LRP1B: variants seen among roughly 807,000 people sequenced by gnomAD.
LRP1B encodes low-density lipoprotein receptor-related protein 1B.
LRP1B carries 217 observed loss-of-function variants against 556.6 expected under a neutral mutation model. The observed-to-expected ratio is 0.39, with a 90% CI of 0.35 to 0.44. LRP1B has a LOEUF of 0.44. LRP1B is among the 20% of genes least tolerant of loss of function. The pLI is 1.00. For missense variants in LRP1B, 5,053 were observed against 5,620.8 expected, an observed-to-expected ratio of 0.90 and a Z score of 3.23; for synonymous variants, 2,047 against 1,865.8, an observed-to-expected ratio of 1.10 and a Z score of -2.50.
At chr2:142,090,093 T>C (rs1173593966) in intron 1 of LRP1B, among the ~76,000 whole-genome samples, 3 of 152,164 alleles carry the variant, frequency 2.0e-5, no homozygotes, top group Non-Finnish European at 4.4e-5. Flanking sequence ...TTTCATATTA[T>C]ATTAAAAACA....
At chr2:140,251,836 A>C (rs1681431344) in intron 86 of LRP1B, among the ~76,000 whole-genome samples, 1 of 151,648 alleles carries the variant, frequency 6.6e-6, no homozygotes, top group Non-Finnish European at 1.5e-5. Context: ...ATGCAAAAGG[A>C]TTTTGCATAA....
At position 141,071,042 on chromosome 2, in the gene LRP1B, G is replaced by C. The variant is rs1011184481; in HGVS notation, c.1014-8769C>G. Among the ~76,000 whole-genome samples the C allele has an allele frequency of 1.7e-3, 266 of 152,132 alleles. 2 individuals carry two copies. Among genetic ancestry groups the C allele is most frequent in the Non-Finnish European group, 3.1e-3 (208 of 68,006 alleles). ...CGTCCTGATACCAAAGCCGGGCAGAGACACAACCAAAAAAGAGAATTTTAG... is the reference window on the plus strand; with the variant it reads ...CGTCCTGATACCAAAGCCGGGCAGACACACAACCAAAAAAGAGAATTTTAG... On this transcript the variant is annotated intron_variant, in intron 7 of 90. Transcript: ENST00000389484.
chr2:140,410,499 T>A (rs1684927559), intron 66 of LRP1B, among the ~76,000 whole-genome samples: 1 of 152,044 alleles, frequency 6.6e-6, no homozygotes, highest in Non-Finnish European at 1.5e-5. Context: ...TAATGCTGCA[T>A]CTGCTGTAGA....
chr2:141,208,672 C>T (rs1209826883), intron 6 of LRP1B, among the ~76,000 whole-genome samples: 1 of 151,616 alleles, frequency 6.6e-6, no homozygotes, highest in Non-Finnish European at 1.5e-5. Context: ...TGGAGACCAT[C>T]CTGGCTAACA....
intron 63 of LRP1B, 140 bp downstream of exon 63, chr2:140,450,428 A>G (rs1686836857): frequency 1.5e-6 from 1 of 671,150 alleles, no homozygotes. Flanking sequence ...TCTTACTTTT[A>G]AAGAATGGCA....
chr2:141,694,073 T>C (rs866029391), intron 2 of LRP1B, among the ~76,000 whole-genome samples: 1 of 152,034 alleles, frequency 6.6e-6, no homozygotes, highest in East Asian at 1.9e-4. Context: ...TCGCGGAATG[T>C]AAATTCCTAA....
At chr2:141,211,281 C>T (rs974081521) in intron 6 of LRP1B, among the ~76,000 whole-genome samples, 1 of 151,168 alleles carries the variant, frequency 6.6e-6, no homozygotes, top group Admixed American at 6.6e-5. Context: ...AGACACCATG[C>T]CCAGCCCATT....
intron 1 of LRP1B, among the ~76,000 whole-genome samples, chr2:141,972,916 A>G (rs997455084): frequency 4.0e-5 from 6 of 151,692 alleles, no homozygotes; most frequent in Admixed American, 6.6e-5. Context: ...TAATACATAC[A>G]TCGAATCCCC....
rs375715534 is a variant in LRP1B at position 140,864,179 on chromosome 2, A to T, written c.4579+3411T>A. 5.9e-5 allele frequency among the ~76,000 whole-genome samples: 9 copies of T among 152,092 alleles called. 1 individual carries two copies. In the East Asian group the frequency reaches 1.5e-3, roughly 26 times the overall value. On this transcript the variant is annotated intron_variant, in intron 27 of 90. Transcript: ENST00000389484. ...TGCAATGATAATCAAGTTAGCTGCT[A>T]TTATAATTATCGATATTGTTATCAA... is the stretch of plus-strand genomic sequence containing the variant.
intron 3 of LRP1B, among the ~76,000 whole-genome samples, chr2:141,262,097 G>C (rs927427905): frequency 1.3e-5 from 2 of 152,034 alleles, no homozygotes; most frequent in African/African-American, 4.8e-5. Flanking sequence ...GAGTATATAT[G>C]TAGTGGTAGC....
At chr2:140,616,294 T>A (rs1429389383) in intron 41 of LRP1B, among the ~76,000 whole-genome samples, 1 of 151,986 alleles carries the variant, frequency 6.6e-6, no homozygotes, top group Non-Finnish European at 1.5e-5. Context: ...TACTAAAGAA[T>A]GTGTTACTGA....
chr2:140,614,413 C>T (rs1683187368), intron 41 of LRP1B, among the ~76,000 whole-genome samples: 2 of 151,654 alleles, frequency 1.3e-5, no homozygotes, highest in Non-Finnish European at 2.9e-5. Flanking sequence ...TACTATTCAC[C>T]CCTCAAAGGA....
intron 21 of LRP1B, among the ~76,000 whole-genome samples, chr2:140,921,115 C>A (rs549908747): frequency 6.6e-6 from 1 of 151,892 alleles, no homozygotes; most frequent in South Asian, 2.1e-4. Flanking sequence ...CATGCTTTGT[C>A]TGCAAATTTT....
At chr2:141,582,032 G>A (rs910520143) in intron 2 of LRP1B, among the ~76,000 whole-genome samples, 5 of 152,030 alleles carry the variant, frequency 3.3e-5, no homozygotes, top group African/African-American at 4.8e-5. Flanking sequence ...ATATATGAAC[G>A]ACCTTCATTC....
rs145105307 is a variant in LRP1B at position 141,509,924 on chromosome 2, A to G, written c.206-29391T>C. ...GACAACTAAAGGACTTCATGAAGCA[A>G]TAAATGGTATAACTTAGGATCAGTT... On this transcript the variant is annotated intron_variant, in intron 2 of 90. Coordinates refer to ENST00000389484, the MANE Select transcript of LRP1B (RefSeq NM_018557.3). Among the ~76,000 whole-genome samples, 348 of 150,646 alleles carry G rather than the reference A, an allele frequency of 2.3e-3. 14 individuals carry two copies. In the East Asian group the frequency reaches 0.058, roughly 25 times the overall value.
At chr2:140,444,541 A>G (rs1443986113) in intron 64 of LRP1B, 22 bp downstream of exon 64, 1 of 1,611,272 alleles carries the variant, frequency 6.2e-7, no homozygotes, top group Non-Finnish European at 8.5e-7. Flanking sequence ...TATGTTCATT[A>G]GTTAGGAATT....
At chr2:141,173,222 A>T (rs1680585537) in intron 7 of LRP1B, among the ~76,000 whole-genome samples, 1 of 152,034 alleles carries the variant, frequency 6.6e-6, no homozygotes, top group Admixed American at 6.6e-5. Context: ...TTTGATAAAA[A>T]ACCTCAAAAT....
intron 3 of LRP1B, among the ~76,000 whole-genome samples, chr2:141,337,860 T>G (rs534383571): frequency 6.6e-6 from 1 of 152,354 alleles, no homozygotes; most frequent in African/African-American, 2.4e-5. Context: ...TGACAAATAA[T>G]GACAACATGT....
chr2:140,961,868 A>G (rs1696046365), intron 18 of LRP1B, among the ~76,000 whole-genome samples: 1 of 152,176 alleles, frequency 6.6e-6, no homozygotes, highest in Non-Finnish European at 1.5e-5. Context: ...ATGGCACTTA[A>G]ACATACTACC....
Sources: allele counts gnomAD v4.1 joint callset (sites outside exome capture counted in the v4.1 genomes callset), GRCh38; gene constraint gnomAD v4.1.1; transcripts MANE v1.5; gene names NCBI Gene and HGNC (gene_info 2026-07-23, HGNC 2026-07-21).